Variants in CRACD observed in about 807,000 individuals in gnomAD.
The protein encoded by CRACD is capping protein-inhibiting regulator of actin dynamics.
In CRACD, 56 loss-of-function variants were observed where a neutral mutation model predicts 106.8. The observed-to-expected ratio is 0.52, with a 90% CI of 0.42 to 0.66. The LOEUF is 0.66. CRACD is among the 30% of genes least tolerant of loss of function. The pLI is 0.00. For synonymous variants in CRACD, 754 were observed against 670.8 expected (o/e 1.12, Z -1.92); for missense variants, 1,730 against 1,623.2 (o/e 1.07, Z -1.13).
At chr4:56,057,181 C>G (rs1316280185) in intron 1 of CRACD, among the ~76,000 whole-genome samples, 1 of 152,214 alleles carries the variant, frequency 6.6e-6, no homozygotes, top group East Asian at 1.9e-4. Context: ...GTCCAACCCT[C>G]ATTTTACTGA....
At chr4:56,059,402 G>A (rs1303629921) in intron 1 of CRACD, among the ~76,000 whole-genome samples, 2 of 152,222 alleles carry the variant, frequency 1.3e-5, no homozygotes, top group African/African-American at 4.8e-5. Context: ...CTTGAGCCTG[G>A]AAGTTCGAGG....
chr4:56,257,720 C>T (rs1224854823), intron 2 of CRACD, among the ~76,000 whole-genome samples: 1 of 151,962 alleles, frequency 6.6e-6, no homozygotes, highest in Non-Finnish European at 1.5e-5. Flanking sequence ...GTAGATCTTC[C>T]AGGTCTTTTT....
intron 2 of CRACD, among the ~76,000 whole-genome samples, chr4:56,262,066 A>G (rs577915371): frequency 2.0e-5 from 3 of 152,226 alleles, no homozygotes; most frequent in Non-Finnish European, 4.4e-5. Context: ...TGAAAAATGT[A>G]GCTCAGTTTT....
At chr4:56,125,779 T>C (rs1466085422) in intron 1 of CRACD, among the ~76,000 whole-genome samples, 2 of 143,682 alleles carry the variant, frequency 1.4e-5, no homozygotes, top group African/African-American at 5.1e-5. Context: ...TTTTTTTTTT[T>C]TTTTTTTTTG....
chr4:56,091,383 C>T lies in CRACD; in HGVS notation c.-336+42084C>T, dbSNP rs144618873. Among the ~76,000 whole-genome samples the T allele has an allele frequency of 1.4e-3, 205 of 147,578 alleles. 2 individuals are homozygous for T. The highest frequency in any genetic ancestry group is 4.4e-3 in the African/African-American group (176 of 39,858). On this transcript the variant is annotated intron_variant, in intron 1 of 10. Coordinates refer to ENST00000682029, the MANE Select transcript of CRACD (RefSeq NM_001393381.1). ...GTAGTTCTTTTTTTTTTTTTTTAAA[C>T]GCAGGCATATGTAACAGGGGGACCT...
intron 10 of CRACD, 31 bp from the exon 11 acceptor site, chr4:56,327,613 C>CT: frequency 6.3e-7 from 1 of 1,595,804 alleles, no homozygotes; most frequent in Non-Finnish European, 8.6e-7. Context: ...TGTGAACTTA[C>CT]TTTTTCCTTT....
intron 2 of CRACD, among the ~76,000 whole-genome samples, chr4:56,206,341 C>T (rs942119703): frequency 6.6e-6 from 1 of 152,174 alleles, no homozygotes; most frequent in Non-Finnish European, 1.5e-5. Context: ...CCACTGCATG[C>T]GTGCCCTGAG....
chr4:56,094,506 G>C (rs1443853454), intron 1 of CRACD, among the ~76,000 whole-genome samples: 2 of 141,134 alleles, frequency 1.4e-5, no homozygotes, highest in African/African-American at 5.3e-5. Context: ...TCGGCTCACT[G>C]AAACCTCCAT....
intron 1 of CRACD, among the ~76,000 whole-genome samples, chr4:56,127,049 T>C (rs1008059952): frequency 1.9e-4 from 29 of 152,314 alleles, no homozygotes; most frequent in Middle Eastern, 3.4e-3. Flanking sequence ...GAGATGTTTA[T>C]GGAACTTGGG....
At chr4:56,301,560 A>G (rs1023685472) in intron 4 of CRACD, among the ~76,000 whole-genome samples, 4 of 152,130 alleles carry the variant, frequency 2.6e-5, no homozygotes, top group Non-Finnish European at 2.9e-5. Context: ...TGAGATGTCT[A>G]CTGGAGTGCC....
intron 2 of CRACD, among the ~76,000 whole-genome samples, chr4:56,260,922 C>CATCT (rs60313522): frequency 2.7e-5 from 4 of 150,940 alleles, no homozygotes; most frequent in Non-Finnish European, 4.4e-5. Flanking sequence ...TCCATCCATC[C>CATCT]GTCCATCCAT....
At chr4:56,288,301 A>G (rs997373324) in intron 3 of CRACD, among the ~76,000 whole-genome samples, 1 of 151,988 alleles carries the variant, frequency 6.6e-6, no homozygotes, top group African/African-American at 2.4e-5. Context: ...AGGGTATATT[A>G]CGTGATGCTG....
intron 2 of CRACD, among the ~76,000 whole-genome samples, chr4:56,205,109 T>G (rs546383403): frequency 6.6e-6 from 1 of 152,092 alleles, no homozygotes; most frequent in Non-Finnish European, 1.5e-5. Context: ...TGAGCTATGA[T>G]CACACCACTG....
intron 2 of CRACD, among the ~76,000 whole-genome samples, chr4:56,243,764 G>A (rs1489743709): frequency 1.3e-5 from 2 of 152,040 alleles, no homozygotes; most frequent in Admixed American, 6.6e-5. Context: ...TTTATCCTTC[G>A]AGTTACAAAC....
intron 2 of CRACD, among the ~76,000 whole-genome samples, chr4:56,199,550 C>T (rs1030533013): frequency 6.6e-6 from 1 of 151,732 alleles, no homozygotes; most frequent in Non-Finnish European, 1.5e-5. Flanking sequence ...GGTGTTGAGG[C>T]GTGCACCTGT....
At chr4:56,326,978 G>T (rs572079532) in intron 10 of CRACD, among the ~76,000 whole-genome samples, 51 of 152,022 alleles carry the variant, frequency 3.4e-4, no homozygotes, top group Non-Finnish European at 7.1e-4. Context: ...GACCTCAAGT[G>T]ATCCTCCCTC....
At chr4:56,317,952 G>A (rs921478713) in intron 8 of CRACD, among the ~76,000 whole-genome samples, 2 of 152,034 alleles carry the variant, frequency 1.3e-5, no homozygotes, top group South Asian at 4.2e-4. Context: ...CAGAGTATAG[G>A]AGGTAAAGTA....
chr4:56,278,758 T>TA (rs1383998080), intron 3 of CRACD, among the ~76,000 whole-genome samples: 2 of 151,900 alleles, frequency 1.3e-5, no homozygotes, highest in Admixed American at 6.6e-5. Context: ...TAAGTAAAAA[T>TA]AAAAAACAAA....
At chr4:56,260,157 T>A (rs1741607515) in intron 2 of CRACD, among the ~76,000 whole-genome samples, 1 of 152,222 alleles carries the variant, frequency 6.6e-6, no homozygotes, top group Admixed American at 6.5e-5. Context: ...TCTTCCTTAT[T>A]TTGTTATGAA....
Sources: gnomAD v4.1 joint callset for allele counts (sites outside exome capture counted in the v4.1 genomes callset) on GRCh38, gnomAD v4.1.1 for gene constraint, MANE v1.5 for transcripts, NCBI Gene and HGNC (gene_info 2026-07-23, HGNC 2026-07-21) for gene names.